Variants in GPC5 observed in about 807,000 individuals in gnomAD.
GPC5 encodes glypican 5, also known as glypican-5.
In GPC5, 47 loss-of-function variants were observed where a neutral mutation model predicts 53.9. That is an observed-to-expected ratio of 0.87 (90% CI 0.69 to 1.11). GPC5 has a LOEUF of 1.11. Among genes scored for constraint, GPC5 ranks in the 50% most tolerant of loss-of-function variants. The pLI, the probability that GPC5 is intolerant of heterozygous loss-of-function variation, is 0.00. For missense variants in GPC5, 748 were observed against 713.1 expected, an observed-to-expected ratio of 1.05 and a Z score of -0.56; for synonymous variants, 286 against 263.3, an observed-to-expected ratio of 1.09 and a Z score of -0.84.
At chr13:91,716,201 G>A (rs1282631242) in intron 3 of GPC5, among the ~76,000 whole-genome samples, 1 of 152,014 alleles carries the variant, frequency 6.6e-6, no homozygotes, top group Non-Finnish European at 1.5e-5. Context: ...CAAAATAAAT[G>A]ATCTATTGAG....
At chr13:92,574,174 G>A (rs989048304) in intron 7 of GPC5, among the ~76,000 whole-genome samples, 2 of 152,032 alleles carry the variant, frequency 1.3e-5, no homozygotes, top group Non-Finnish European at 2.9e-5. Flanking sequence ...GTCTGTCTAC[G>A]GATTCAACTC....
At chr13:92,165,710 A>G (rs576776011) in intron 7 of GPC5, among the ~76,000 whole-genome samples, 3 of 152,362 alleles carry the variant, frequency 2.0e-5, no homozygotes, top group South Asian at 4.1e-4. Context: ...GGGTGGAGAC[A>G]CAGAGCCAGA....
At chr13:92,691,539 G>C (rs1223853077) in intron 7 of GPC5, among the ~76,000 whole-genome samples, 1 of 151,858 alleles carries the variant, frequency 6.6e-6, no homozygotes, top group Admixed American at 6.6e-5. Context: ...CGTCGCTCAC[G>C]CTGGGAGCTG....
chr13:92,834,847 A>G (rs1273686292), intron 7 of GPC5, among the ~76,000 whole-genome samples: 1 of 152,102 alleles, frequency 6.6e-6, no homozygotes, highest in East Asian at 1.9e-4. Context: ...TTAAAGGGTA[A>G]AAGTTGACAA....
intron 7 of GPC5, among the ~76,000 whole-genome samples, chr13:92,437,300 C>T (rs1411415005): frequency 4.6e-5 from 7 of 152,074 alleles, no homozygotes; most frequent in East Asian, 3.9e-4. Context: ...CTGCAGGTAT[C>T]GGAGTCTTTA....
intron 5 of GPC5, among the ~76,000 whole-genome samples, chr13:91,883,204 T>C (rs1050468593): frequency 1.1e-4 from 17 of 152,168 alleles, no homozygotes; most frequent in African/African-American, 4.1e-4. Context: ...CTCTTAGTTA[T>C]AGTCCTGCAC....
chr13:92,754,087 G>A (rs1594481658), intron 7 of GPC5, among the ~76,000 whole-genome samples: 2 of 152,084 alleles, frequency 1.3e-5, no homozygotes, highest in Admixed American at 6.6e-5. Flanking sequence ...GAGAAAGGTC[G>A]GGTTAACCTC....
intron 7 of GPC5, among the ~76,000 whole-genome samples, chr13:92,499,956 T>C (rs1880119616): frequency 6.6e-6 from 1 of 152,204 alleles, no homozygotes; most frequent in South Asian, 2.1e-4. Context: ...ACAGAATGCA[T>C]AGAGCATCTC....
chr13:91,750,131 T>C (rs540755252), intron 4 of GPC5, among the ~76,000 whole-genome samples: 9 of 152,286 alleles, frequency 5.9e-5, no homozygotes, highest in Non-Finnish European at 7.4e-5. Flanking sequence ...ATTTCTAATG[T>C]TGATTCTGCA....
intron 5 of GPC5, among the ~76,000 whole-genome samples, chr13:91,767,708 T>C (rs1460951702): frequency 6.6e-6 from 1 of 152,212 alleles, no homozygotes; most frequent in Non-Finnish European, 1.5e-5. Flanking sequence ...AGTATGAGGA[T>C]ACTATTTTTA....
chr13:91,445,233 T>G (rs1880705750), intron 1 of GPC5, among the ~76,000 whole-genome samples: 2 of 148,718 alleles, frequency 1.3e-5, no homozygotes, highest in South Asian at 2.1e-4. Flanking sequence ...ATTATTACTC[T>G]TGTGCTTTGG....
intron 7 of GPC5, among the ~76,000 whole-genome samples, chr13:92,748,876 A>C (rs1889309708): frequency 6.6e-6 from 1 of 152,138 alleles, no homozygotes; most frequent in Non-Finnish European, 1.5e-5. Context: ...TAGTGTATGG[A>C]TGAAAAGGGA....
intron 7 of GPC5, among the ~76,000 whole-genome samples, chr13:92,386,517 CTG>C (rs2139317882): frequency 6.6e-6 from 1 of 152,132 alleles, no homozygotes; most frequent in South Asian, 2.1e-4. Flanking sequence ...AGATGGTGAA[CTG>C]TGTTCTGGCG....
At chr13:92,726,261 G>A (rs1888644722) in intron 7 of GPC5, among the ~76,000 whole-genome samples, 2 of 151,474 alleles carry the variant, frequency 1.3e-5, no homozygotes, top group Non-Finnish European at 3.0e-5. Context: ...AAACACCCTT[G>A]ATCTACATAA....
chr13:91,614,145 A>T (rs1340714873), intron 2 of GPC5, among the ~76,000 whole-genome samples: 1 of 152,208 alleles, frequency 6.6e-6, no homozygotes, highest in East Asian at 1.9e-4. Flanking sequence ...CAGAGGTTTG[A>T]GAGTCGAGTG....
At chr13:92,594,671 C>A (rs918735928) in intron 7 of GPC5, among the ~76,000 whole-genome samples, 1 of 152,188 alleles carries the variant, frequency 6.6e-6, no homozygotes. Flanking sequence ...CAGGCTGCTT[C>A]CTGTATTTGG....
intron 7 of GPC5, among the ~76,000 whole-genome samples, chr13:92,189,916 G>A (rs753213422): frequency 6.6e-6 from 1 of 152,086 alleles, no homozygotes; most frequent in Non-Finnish European, 1.5e-5. Context: ...GCAAAAGAAG[G>A]AAAGGAACAG....
chr13:92,307,261 C>T (rs560626329), intron 7 of GPC5, among the ~76,000 whole-genome samples: 1 of 152,008 alleles, frequency 6.6e-6, no homozygotes, highest in Non-Finnish European at 1.5e-5. Flanking sequence ...AGTTTGAGAC[C>T]AGCTTGACCA....
At chr13:91,836,738 C>A (rs896796442) in intron 5 of GPC5, among the ~76,000 whole-genome samples, 2 of 151,796 alleles carry the variant, frequency 1.3e-5, no homozygotes, top group African/African-American at 4.8e-5. Flanking sequence ...CACATCCTTC[C>A]AAATCCTTAA....
Sources: gnomAD v4.1 joint callset for allele counts (sites outside exome capture counted in the v4.1 genomes callset) on GRCh38, gnomAD v4.1.1 for gene constraint, MANE v1.5 for transcripts, NCBI Gene and HGNC (gene_info 2026-07-23, HGNC 2026-07-21) for gene names.